Variants in CSMD1 observed in about 807,000 individuals in gnomAD.
CSMD1 encodes CUB and sushi domain-containing protein 1.
CSMD1 carries 213 observed loss-of-function variants against 417.5 expected under a neutral mutation model. The observed-to-expected ratio is 0.51, with a 90% confidence interval of 0.46 to 0.57. The LOEUF (loss-of-function observed/expected upper bound fraction) is 0.57, where lower values mean the gene tolerates loss of function less well. Among genes scored for constraint, CSMD1 ranks in the 20% least tolerant of loss-of-function variants. CSMD1 has a pLI of 0.00. For synonymous variants in CSMD1, 2,862 were observed against 1,736.8 expected, an observed-to-expected ratio of 1.65 and a Z score of -16.11; for missense variants, 6,923 against 4,529.7, an observed-to-expected ratio of 1.53 and a Z score of -15.17.
In CSMD1 at chr8:3,237,878, C is replaced by CTTATAT. The variant is rs1420749329; in HGVS notation, c.4154-7648_4154-7647insATATAA. Among the ~76,000 whole-genome samples the CTTATAT allele has an allele frequency of 9.4e-5, 12 of 128,328 alleles. 1 individual carries two copies. Among genetic ancestry groups the CTTATAT allele is most frequent in the African/African-American group, 3.4e-4 (12 of 35,556 alleles). The allele number at this position is 128,328 out of a possible 152,430, so 84.2% of individuals were successfully genotyped here. On this transcript the variant is annotated intron_variant, in intron 26 of 69. Transcript: ENST00000635120. ...TATAAATATAATTTTTATAATTATACTATAAATATAATTTTTATAATTATA... is the reference window on the plus strand; with the variant it reads ...TATAAATATAATTTTTATAATTATACTTATATTATAAATATAATTTTTATAATTATA...
chr8:4,502,407 A>G (rs1041843675), intron 2 of CSMD1, among the ~76,000 whole-genome samples: 2 of 152,198 alleles, frequency 1.3e-5, no homozygotes, highest in African/African-American at 4.8e-5. Context: ...AAAGACAGAG[A>G]GAACAAATTC....
chr8:4,023,321 T>A (rs374217690), intron 4 of CSMD1, among the ~76,000 whole-genome samples: 2 of 152,326 alleles, frequency 1.3e-5, no homozygotes, highest in Non-Finnish European at 2.9e-5. Context: ...CAAAGAGTAT[T>A]TCTGTTTGAG....
chr8:3,053,449 C>T (rs1812006084), intron 49 of CSMD1, among the ~76,000 whole-genome samples: 1 of 152,066 alleles, frequency 6.6e-6, no homozygotes, highest in South Asian at 2.1e-4. Flanking sequence ...GTTCCTCTCC[C>T]CTTCCCCAAT....
intron 1 of CSMD1, among the ~76,000 whole-genome samples, chr8:4,921,390 A>G (rs1008777355): frequency 2.6e-5 from 4 of 152,236 alleles, no homozygotes; most frequent in African/African-American, 9.6e-5. Flanking sequence ...ATTATTTAAT[A>G]TGAAACATGT....
intron 23 of CSMD1, among the ~76,000 whole-genome samples, chr8:3,334,115 G>A (rs1455097498): frequency 1.3e-5 from 2 of 152,216 alleles, no homozygotes; most frequent in African/African-American, 4.8e-5. Flanking sequence ...GTCTACTGAT[G>A]TGTTTGGGTA....
intron 1 of CSMD1, among the ~76,000 whole-genome samples, chr8:4,970,545 G>C (rs1321189723): frequency 2.0e-5 from 3 of 151,844 alleles, no homozygotes; most frequent in Non-Finnish European, 2.9e-5. Context: ...TGGTAACTTT[G>C]GACAACAGGT....
intron 6 of CSMD1, among the ~76,000 whole-genome samples, chr8:3,733,654 C>T (rs1274812965): frequency 6.6e-6 from 1 of 152,124 alleles, no homozygotes; most frequent in Admixed American, 6.5e-5. Context: ...AAGGTCCCTG[C>T]TGTTTGCACC....
At chr8:4,939,797 T>G (rs1360595326) in intron 1 of CSMD1, among the ~76,000 whole-genome samples, 1 of 152,216 alleles carries the variant, frequency 6.6e-6, no homozygotes, top group African/African-American at 2.4e-5. Flanking sequence ...GAGTCGATTT[T>G]AAGTGTTCTC....
chr8:3,937,622 C>G (rs890436547), intron 5 of CSMD1, among the ~76,000 whole-genome samples: 1 of 152,128 alleles, frequency 6.6e-6, no homozygotes, highest in Admixed American at 6.6e-5. Context: ...TATCATGTCA[C>G]TTGCTTTCTT....
At chr8:4,893,113 T>A (rs1478993171) in intron 1 of CSMD1, among the ~76,000 whole-genome samples, 1 of 152,100 alleles carries the variant, frequency 6.6e-6, no homozygotes, top group East Asian at 1.9e-4. Flanking sequence ...CTCTTTCTAG[T>A]TTTTGTCAGT....
Position 4,392,662 on chromosome 8 carries a change from A to G in CSMD1, c.415+27291T>C, listed in dbSNP as rs564225761. ...GGGGGGGAGGGTTATTATTATTATT[A>G]TTATTTTTTTTTGAGATGGACTGTG... On this transcript the variant is annotated intron_variant, in intron 3 of 69. Transcript: ENST00000635120. Among the ~76,000 whole-genome samples, 10 of 139,024 alleles carry G rather than the reference A, an allele frequency of 7.2e-5. No individual in the cohort carries two copies. The South Asian group carries it at 1.9e-3, about 26-fold the overall frequency. 91.2% of individuals were successfully genotyped at this position (139,024 alleles called of 152,430 possible).
intron 3 of CSMD1, among the ~76,000 whole-genome samples, chr8:4,367,240 T>C (rs929210113): frequency 6.6e-6 from 1 of 151,830 alleles, no homozygotes; most frequent in Non-Finnish European, 1.5e-5. Flanking sequence ...AAGGAAGGGG[T>C]CCAGTCTCAT....
intron 7 of CSMD1, among the ~76,000 whole-genome samples, chr8:3,699,474 G>C (rs1800729169): frequency 6.6e-6 from 1 of 152,204 alleles, no homozygotes. Flanking sequence ...CACGGAGGAA[G>C]TCCTTTAAAG....
chr8:4,880,803 G>C (rs1238191004), intron 1 of CSMD1, among the ~76,000 whole-genome samples: 1 of 152,046 alleles, frequency 6.6e-6, no homozygotes, highest in African/African-American at 2.4e-5. Flanking sequence ...CCTGCACTCA[G>C]AAAAAGTTTT....
At chr8:4,034,053 T>A (rs1466637770) in intron 3 of CSMD1, among the ~76,000 whole-genome samples, 1 of 152,252 alleles carries the variant, frequency 6.6e-6, no homozygotes, top group African/African-American at 2.4e-5. Context: ...CTATTTCATG[T>A]CTGTATCCAT....
intron 22 of CSMD1, among the ~76,000 whole-genome samples, chr8:3,346,025 A>T (rs1006897402): frequency 6.6e-6 from 1 of 152,298 alleles, no homozygotes. Context: ...TTATTATTAC[A>T]TCACAGTATG....
At chr8:3,822,323 C>G (rs1243932222) in intron 5 of CSMD1, among the ~76,000 whole-genome samples, 2 of 152,128 alleles carry the variant, frequency 1.3e-5, no homozygotes, top group Non-Finnish European at 2.9e-5. Flanking sequence ...TTTTAAATAT[C>G]CCTGAAATCT....
chr8:4,657,042 C>A (rs1804275192), intron 1 of CSMD1, among the ~76,000 whole-genome samples: 1 of 152,096 alleles, frequency 6.6e-6, no homozygotes, highest in South Asian at 2.1e-4. Context: ...CGCAAAAGAT[C>A]ACAATGGAGG....
chr8:3,329,314 T>C (rs756713266), intron 23 of CSMD1, among the ~76,000 whole-genome samples: 13 of 152,026 alleles, frequency 8.6e-5, no homozygotes, highest in Non-Finnish European at 1.8e-4. Flanking sequence ...GCCGGACCCC[T>C]AAGAGCAGGC....
Sources: gnomAD v4.1 joint callset for allele counts (sites outside exome capture counted in the v4.1 genomes callset) on GRCh38, gnomAD v4.1.1 for gene constraint, MANE v1.5 for transcripts, NCBI Gene and HGNC (gene_info 2026-07-23, HGNC 2026-07-21) for gene names.